The following RTN4IP1 variants were observed in gnomAD, a reference collection of about 807,000 sequenced individuals.
RTN4IP1 encodes the protein reticulon 4 interacting protein 1.
In RTN4IP1, 32 loss-of-function variants were observed where a neutral mutation model predicts 46.6. The observed-to-expected ratio is 0.69, with a 90% confidence interval of 0.52 to 0.92. The LOEUF (loss-of-function observed/expected upper bound fraction) is 0.92. Among genes scored for constraint, RTN4IP1 ranks in the 40% least tolerant of loss-of-function variants. RTN4IP1 has a pLI of 0.00. For missense variants in RTN4IP1, 424 were observed against 485.8 expected (o/e 0.87, Z 1.20); for synonymous variants, 167 against 161.8 (o/e 1.03, Z -0.24).
chr6:106,580,456 T>C (rs1421385289), intron 8 of RTN4IP1, among the ~76,000 whole-genome samples: 1 of 151,990 alleles, frequency 6.6e-6, no homozygotes, highest in Non-Finnish European at 1.5e-5. Flanking sequence ...CAGTGGCTCA[T>C]GTCTGTAATC....
chr6:106,570,894 CAA>C lies in RTN4IP1; in HGVS notation c.*1100_*1101del, dbSNP rs1226614372. On this transcript the variant is annotated 3_prime_UTR_variant, in exon 9 of 9. Coordinates refer to ENST00000369063, the MANE Select transcript of RTN4IP1 (RefSeq NM_032730.5). ...CAGAAATCTCAAAACAGGTCTACAT[CAA>C]AAGTTACAAGCAAGCATATCAGGTG... is the stretch of plus-strand genomic sequence containing the variant. 6.6e-6 allele frequency: 1 copy of C among 152,096 alleles called. No individual in the cohort carries two copies. The highest frequency in any genetic ancestry group is 1.9e-4 in the East Asian group (1 of 5,192). 9.4% of individuals were successfully genotyped at this position (152,096 alleles called of 1,614,324 possible).
At chr6:106,584,217 G>C (rs1377984974) in intron 7 of RTN4IP1, among the ~76,000 whole-genome samples, 1 of 152,200 alleles carries the variant, frequency 6.6e-6, no homozygotes, top group Non-Finnish European at 1.5e-5. Context: ...AGGATTACAG[G>C]CGTGAGCCAC....
chr6:106,574,900 T>C (rs1426537147), intron 8 of RTN4IP1, among the ~76,000 whole-genome samples: 3 of 152,244 alleles, frequency 2.0e-5, no homozygotes. Context: ...GTCAGGCCTA[T>C]TGTGGCAAAT....
intron 1 of RTN4IP1, among the ~76,000 whole-genome samples, chr6:106,626,092 T>A (rs1177487539): frequency 6.6e-6 from 1 of 151,972 alleles, no homozygotes; most frequent in African/African-American, 2.4e-5. Flanking sequence ...GGGGATGGGA[T>A]CAGAAACACA....
intron 6 of RTN4IP1, among the ~76,000 whole-genome samples, chr6:106,591,143 T>C (rs889523518): frequency 1.3e-5 from 2 of 152,210 alleles, no homozygotes; most frequent in Admixed American, 1.3e-4. Context: ...ACCTTGCTAT[T>C]TATAACAGCC....
At chr6:106,599,843 T>C (rs896370974) in intron 5 of RTN4IP1, among the ~76,000 whole-genome samples, 8 of 152,000 alleles carry the variant, frequency 5.3e-5, no homozygotes, top group African/African-American at 1.7e-4. Flanking sequence ...GTCCTTTTTT[T>C]TTTTTTTAGA....
At position 106,570,866 on chromosome 6, in the gene RTN4IP1, A is replaced by G. The variant is rs971500110; in HGVS notation, c.*1130T>C. 3 of 152,234 alleles carry G rather than the reference A, an allele frequency of 2.0e-5. No homozygotes were observed. Among genetic ancestry groups the G allele is most frequent in the African/African-American group, 4.8e-5 (2 of 41,456 alleles). 9.4% of individuals were successfully genotyped at this position (152,234 alleles called of 1,614,324 possible). On this transcript the variant is annotated 3_prime_UTR_variant, in exon 9 of 9. Coordinates refer to ENST00000369063, the MANE Select transcript of RTN4IP1 (RefSeq NM_032730.5). Reference sequence around the variant, plus strand: ...AACGAGTGTCTAACAGGAATAAACCAAGCAGAAATCTCAAAACAGGTCTAC... The same window carrying G: ...AACGAGTGTCTAACAGGAATAAACCGAGCAGAAATCTCAAAACAGGTCTAC...
intron 8 of RTN4IP1, among the ~76,000 whole-genome samples, chr6:106,578,056 A>C (rs1230308851): frequency 6.6e-6 from 1 of 152,232 alleles, no homozygotes; most frequent in Non-Finnish European, 1.5e-5. Flanking sequence ...ATTTTCCTTC[A>C]AAACACAGTT....
At chr6:106,603,831 G>T (rs997509332) in intron 4 of RTN4IP1, among the ~76,000 whole-genome samples, 5 of 152,114 alleles carry the variant, frequency 3.3e-5, no homozygotes, top group African/African-American at 4.8e-5. Context: ...TCAAGTCCCA[G>T]AAAATTGTTT....
rs1227074733 is a variant in RTN4IP1, at chr6:106,571,677, C to T, written c.*319G>A. 4 of 259,332 alleles carry T rather than the reference C, an allele frequency of 1.5e-5. No individual in the cohort carries two copies. The highest frequency in any genetic ancestry group is 3.0e-5 in the Non-Finnish European group (4 of 131,882). The allele number at this position is 259,332 out of a possible 1,614,324, so 16.1% of individuals were successfully genotyped here. On this transcript the variant is annotated 3_prime_UTR_variant, in exon 9 of 9. Coordinates refer to ENST00000369063, the MANE Select transcript of RTN4IP1 (RefSeq NM_032730.5). Reference sequence around the variant, plus strand: ...CTGCACTCCAGCCTGGGTGACACAGCGAGACCCTGTCTCTAAAACAAAAAA... The same window carrying T: ...CTGCACTCCAGCCTGGGTGACACAGTGAGACCCTGTCTCTAAAACAAAAAA...
rs1390825367 is a variant in RTN4IP1, at chr6:106,587,909, T to G, written c.807-47A>C. On this transcript the variant is annotated intron_variant, in intron 6 of 8. Coordinates refer to ENST00000369063, the MANE Select transcript of RTN4IP1 (RefSeq NM_032730.5). ...AAAACATGGTTGTCAGGCTTTACAC[T>G]GGACTCTGATCCTCCTTCCCTTCCA... is the stretch of plus-strand genomic sequence containing the variant. 5 of 1,504,478 alleles carry G rather than the reference T, an allele frequency of 3.3e-6. No homozygotes were observed. The East Asian group carries it at 1.2e-4, about 35-fold the overall frequency. 93.2% of individuals were successfully genotyped at this position (1,504,478 alleles called of 1,614,324 possible). A position where few individuals can be genotyped will look rare whatever the true frequency, so the allele number is the denominator to read the frequency against.
At chr6:106,605,639 C>T (rs939972998) in intron 4 of RTN4IP1, among the ~76,000 whole-genome samples, 4 of 151,614 alleles carry the variant, frequency 2.6e-5, no homozygotes, top group African/African-American at 7.3e-5. Context: ...TGGTGAAATC[C>T]TGTCTCTACT....
intron 8 of RTN4IP1, among the ~76,000 whole-genome samples, chr6:106,580,459 C>T (rs1207522814): frequency 6.6e-6 from 1 of 152,008 alleles, no homozygotes; most frequent in Non-Finnish European, 1.5e-5. Flanking sequence ...TGGCTCATGT[C>T]TGTAATCCCA....
intron 5 of RTN4IP1, among the ~76,000 whole-genome samples, chr6:106,596,445 A>G (rs551001378): frequency 6.6e-6 from 1 of 152,286 alleles, no homozygotes; most frequent in Non-Finnish European, 1.5e-5. Context: ...TTAGCTGGGC[A>G]TGGTGGCATG....
intron 4 of RTN4IP1, among the ~76,000 whole-genome samples, chr6:106,615,127 C>A (rs74529702): frequency 0.014 from 2,176 of 152,150 alleles, 57 homozygotes; most frequent in African/African-American, 0.05. Flanking sequence ...CCCTTACCCC[C>A]CTAACAATAC....
At chr6:106,624,349 C>T (rs79498714) in intron 1 of RTN4IP1, among the ~76,000 whole-genome samples, 5,860 of 151,296 alleles carry the variant, frequency 0.039, 132 homozygotes, top group South Asian at 0.097. Flanking sequence ...CCACTGCACC[C>T]GGCCTATTTT....
chr6:106,587,384 T>A (rs1204706677), intron 7 of RTN4IP1, among the ~76,000 whole-genome samples: 1 of 152,250 alleles, frequency 6.6e-6, no homozygotes, highest in Non-Finnish European at 1.5e-5. Context: ...TTATGCCATG[T>A]CTCCATATGG....
intron 2 of RTN4IP1, among the ~76,000 whole-genome samples, chr6:106,622,347 T>C (rs1036315094): frequency 1.3e-5 from 2 of 152,246 alleles, no homozygotes; most frequent in Non-Finnish European, 2.9e-5. Context: ...AAGATAGTTA[T>C]AGGAAGTAGA....
At chr6:106,586,667 C>CCA (rs1372790031) in intron 7 of RTN4IP1, among the ~76,000 whole-genome samples, 2 of 152,130 alleles carry the variant, frequency 1.3e-5, no homozygotes, top group African/African-American at 4.8e-5. Flanking sequence ...GACACCGTGC[C>CCA]CAGCCTATCT....
Sources: gnomAD v4.1 joint callset for allele counts (sites outside exome capture counted in the v4.1 genomes callset) on GRCh38, gnomAD v4.1.1 for gene constraint, MANE v1.5 for transcripts, NCBI Gene and HGNC (gene_info 2026-07-23, HGNC 2026-07-21) for gene names.